Variants in HPSE2 observed in about 807,000 individuals in gnomAD.
HPSE2 encodes inactive heparanase-2.
HPSE2 carries 38 observed loss-of-function variants against 60.5 expected under a neutral mutation model. That is an observed-to-expected ratio of 0.63 (90% CI 0.48 to 0.82). HPSE2 has a LOEUF of 0.82. Ranked by LOEUF, HPSE2 falls within the 40% of genes least tolerant of loss-of-function variation. HPSE2 has a pLI of 0.00. For missense variants in HPSE2, 713 were observed against 740.4 expected (o/e 0.96, Z 0.43); for synonymous variants, 295 against 293.2 (o/e 1.01, Z -0.06).
intron 3 of HPSE2, among the ~76,000 whole-genome samples, chr10:98,751,204 T>A (rs72842321): frequency 0.015 from 2,292 of 152,314 alleles, 32 homozygotes; most frequent in African/African-American, 0.03. Flanking sequence ...TTTCTTCATG[T>A]TTTGTAAGCT....
chr10:99,115,463 T>A lies in HPSE2; in HGVS notation c.610+28775A>T, dbSNP rs544142656. The stretch of plus-strand genomic sequence containing the variant: ...GCCACCACGCTTGGCCAATTTTTTT[T>A]TTTTTATTTTTTGTAGAGACAGGGC... On this transcript the variant is annotated intron_variant, in intron 3 of 11. Transcript: ENST00000370552. Among the ~76,000 whole-genome samples the A allele has an allele frequency of 4.2e-3, 639 of 152,120 alleles. 3 individuals carry two copies. Among genetic ancestry groups the A allele is most frequent in the African/African-American group, 0.014 (600 of 41,524 alleles).
the HPSE2 span, among the ~76,000 whole-genome samples, chr10:99,268,576 A>G: frequency 6.6e-6 from 1 of 151,178 alleles, no homozygotes; most frequent in Non-Finnish European, 1.5e-5. Flanking sequence ...AACCTGGGAG[A>G]CAGAGGTTGC....
At chr10:99,143,837 T>C (rs182301120) in intron 3 of HPSE2, among the ~76,000 whole-genome samples, 14 of 152,274 alleles carry the variant, frequency 9.2e-5, no homozygotes, top group Admixed American at 6.5e-4. Context: ...AATAGAACAT[T>C]CTCTGCTCTG....
At chr10:98,702,652 C>A (rs1289814755) in intron 5 of HPSE2, among the ~76,000 whole-genome samples, 6 of 152,180 alleles carry the variant, frequency 3.9e-5, no homozygotes, top group African/African-American at 1.4e-4. Context: ...CACACAACCA[C>A]TTGGAATTTG....
At chr10:99,307,534 A>G in the HPSE2 span, among the ~76,000 whole-genome samples, 1 of 152,192 alleles carries the variant, frequency 6.6e-6, no homozygotes, top group South Asian at 2.1e-4. Context: ...CATATGGCTC[A>G]ACAACACCCT....
intron 3 of HPSE2, among the ~76,000 whole-genome samples, chr10:99,010,536 A>G (rs1956990039): frequency 6.6e-6 from 1 of 152,220 alleles, no homozygotes; most frequent in Admixed American, 6.5e-5. Flanking sequence ...TTTTAGAGGC[A>G]TAACTTCTTA....
intron 4 of HPSE2, among the ~76,000 whole-genome samples, chr10:98,733,483 T>TA (rs1338525114): frequency 6.6e-6 from 1 of 152,142 alleles, no homozygotes; most frequent in Admixed American, 6.6e-5. Context: ...AAACATAATT[T>TA]AAAAAGTAAT....
chr10:98,596,163 T>C (rs907862411), intron 9 of HPSE2, among the ~76,000 whole-genome samples: 1 of 152,168 alleles, frequency 6.6e-6, no homozygotes, highest in African/African-American at 2.4e-5. Flanking sequence ...TATATTTTCC[T>C]TTCCCTTTTA....
In HPSE2 at chr10:98,611,176, C is replaced by T. The variant is rs72831940; in HGVS notation, c.1320+3728G>A. On this transcript the variant is annotated intron_variant, in intron 9 of 11. Coordinates refer to ENST00000370552, the MANE Select transcript of HPSE2 (RefSeq NM_021828.5). ...TCTCCTCCCAGGAGAAGGAAAATGTCATAGCAGGAGGTGGGTGGCACTTTT... is the reference window on the plus strand; with the variant it reads ...TCTCCTCCCAGGAGAAGGAAAATGTTATAGCAGGAGGTGGGTGGCACTTTT... Among the ~76,000 whole-genome samples, 1,073 of 152,312 alleles carry T rather than the reference C, an allele frequency of 7.0e-3. 8 individuals carry two copies. The highest frequency in any genetic ancestry group is 0.027 in the South Asian group (132 of 4,820).
chr10:99,265,627 T>C, the HPSE2 span, among the ~76,000 whole-genome samples: 2 of 152,296 alleles, frequency 1.3e-5, no homozygotes, highest in South Asian at 4.1e-4. Context: ...ATGGTGGATA[T>C]GAGGCAGGAC....
intron 3 of HPSE2, among the ~76,000 whole-genome samples, chr10:98,970,619 T>C (rs760246231): frequency 1.3e-5 from 2 of 152,224 alleles, no homozygotes; most frequent in Non-Finnish European, 2.9e-5. Flanking sequence ...TATACCCTTT[T>C]ATCATTGCAT....
intron 3 of HPSE2, among the ~76,000 whole-genome samples, chr10:99,003,510 T>C (rs1404825063): frequency 3.9e-5 from 6 of 152,170 alleles, no homozygotes; most frequent in African/African-American, 1.4e-4. Flanking sequence ...AAGTTATCTT[T>C]GGTCTTTTTG....
chr10:98,860,087 C>T (rs923831565), intron 3 of HPSE2, among the ~76,000 whole-genome samples: 2 of 152,162 alleles, frequency 1.3e-5, no homozygotes, highest in African/African-American at 2.4e-5. Flanking sequence ...TCCACAGTTT[C>T]AGGCATCCTT....
chr10:98,541,540 G>C (rs1943459728), intron 9 of HPSE2, among the ~76,000 whole-genome samples: 1 of 152,216 alleles, frequency 6.6e-6, no homozygotes, highest in Non-Finnish European at 1.5e-5. Flanking sequence ...GAAGTGCAAG[G>C]GGTCAGGGAG....
At chr10:98,488,853 A>G (rs1419627580) in intron 10 of HPSE2, among the ~76,000 whole-genome samples, 1 of 152,228 alleles carries the variant, frequency 6.6e-6, no homozygotes, top group Non-Finnish European at 1.5e-5. Flanking sequence ...CCTCTGCCCA[A>G]GCCAGCCTCC....
In HPSE2 at chr10:98,846,181, C is replaced by G. The variant is rs1484106624; in HGVS notation, c.611-102125G>C. Reference sequence around the variant, plus strand: ...AACTTAACAAGAAAATAAGCTGGATCAAAAGCCTATACCAGCTTTTGAGAG... The same window carrying G: ...AACTTAACAAGAAAATAAGCTGGATGAAAAGCCTATACCAGCTTTTGAGAG... On this transcript the variant is annotated intron_variant, in intron 3 of 11. Coordinates refer to ENST00000370552, the MANE Select transcript of HPSE2 (RefSeq NM_021828.5). Among the ~76,000 whole-genome samples the G allele has an allele frequency of 3.9e-5, 6 of 152,118 alleles. No individual in the cohort carries two copies. In the East Asian group the frequency reaches 1.2e-3, roughly 29 times the overall value.
chr10:99,133,995 C>T (rs1845548079), intron 3 of HPSE2, among the ~76,000 whole-genome samples: 1 of 152,062 alleles, frequency 6.6e-6, no homozygotes, highest in South Asian at 2.1e-4. Flanking sequence ...AGACGAATTG[C>T]TAACTAGAAT....
intron 2 of HPSE2, among the ~76,000 whole-genome samples, chr10:99,220,972 G>C (rs1241824873): frequency 6.7e-6 from 1 of 148,552 alleles, no homozygotes; most frequent in African/African-American, 2.5e-5. Flanking sequence ...AGCCTCCCAA[G>C]TAGCTGGGAT....
At chr10:98,875,850 G>C (rs1952863628) in intron 3 of HPSE2, among the ~76,000 whole-genome samples, 2 of 151,914 alleles carry the variant, frequency 1.3e-5, no homozygotes. Context: ...GCAACAATAT[G>C]TAATTATATT....
Sources: gnomAD v4.1 joint callset for allele counts (sites outside exome capture counted in the v4.1 genomes callset) on GRCh38, gnomAD v4.1.1 for gene constraint, MANE v1.5 for transcripts, NCBI Gene and HGNC (gene_info 2026-07-23, HGNC 2026-07-21) for gene names.